The following PCGF3 variants were observed in gnomAD, a reference collection of about 807,000 sequenced individuals.
PCGF3 encodes polycomb group ring finger 3, also known as polycomb group RING finger protein 3.
A neutral mutation model predicts 33.1 loss-of-function variants in PCGF3; 7 were observed. That is an observed-to-expected ratio of 0.21 (90% CI 0.12 to 0.40). The LOEUF (loss-of-function observed/expected upper bound fraction) is 0.40. Ranked by LOEUF, PCGF3 falls within the 10% of genes least tolerant of loss-of-function variation. The pLI is 1.00. For synonymous variants in PCGF3, 153 were observed against 121.3 expected (o/e 1.26, Z -1.72); for missense variants, 211 against 313.3 (o/e 0.67, Z 2.46).
At chr4:734,995 G>A in exon 5 of PCGF3, 16 of 1,613,344 alleles carry the variant, frequency 9.9e-6, no homozygotes, top group Non-Finnish European at 1.4e-5. Context: ...GCAGGATTGT[G>A]ATCCACCAGA....
exon 11 of PCGF3, chr4:768,242 AG>A (rs1329917851): frequency 6.6e-6 from 1 of 152,630 alleles, no homozygotes; most frequent in Non-Finnish European, 1.5e-5. Context: ...CTATTTTTCT[AG>A]GAGTTCATCG....
At chr4:714,014 C>T (rs977655533) in intron 1 of PCGF3, among the ~76,000 whole-genome samples, 1 of 152,098 alleles carries the variant, frequency 6.6e-6, no homozygotes, top group Admixed American at 6.5e-5. Flanking sequence ...ACGTCTGTGT[C>T]CCCCAGAATC....
intron 5 of PCGF3, 105 bp downstream of exon 5, chr4:735,132 T>TG: frequency 7.7e-7 from 1 of 1,297,736 alleles, no homozygotes; most frequent in South Asian, 1.4e-5. Flanking sequence ...CATCCTGCCT[T>TG]GGCAGCAGCC....
chr4:748,786 G>T (rs1744384358), intron 8 of PCGF3, among the ~76,000 whole-genome samples: 1 of 152,138 alleles, frequency 6.6e-6, no homozygotes, highest in East Asian at 1.9e-4. Flanking sequence ...TCTGTCTCTG[G>T]TGTTGGTCTC....
chr4:733,655 C>T lies in PCGF3; in HGVS notation c.-9-17C>T, dbSNP rs376382186. The T allele has an allele frequency of 4.5e-5, 71 of 1,589,700 alleles. No homozygotes were observed. Among genetic ancestry groups the T allele is most frequent in the Middle Eastern group, 3.3e-4 (2 of 6,006 alleles). The stretch of plus-strand genomic sequence containing the variant: ...GGAAGAGTTTCAGGTGTTAATTAAT[C>T]GCGTTTTCTCTTGTAGAAGCCAAAG... On this transcript the variant is annotated splice_polypyrimidine_tract_variant and intron_variant, in intron 3 of 10. Transcript: ENST00000362003.
At chr4:760,829 G>C (rs1049307196) in intron 8 of PCGF3, among the ~76,000 whole-genome samples, 1 of 152,256 alleles carries the variant, frequency 6.6e-6, no homozygotes, top group Non-Finnish European at 1.5e-5. Context: ...TCACCTGGAA[G>C]GCAGCTGTGA....
At chr4:734,012 C>G (rs566212866) in intron 4 of PCGF3, 12 of 1,550,906 alleles carry the variant, frequency 7.7e-6, no homozygotes, top group Non-Finnish European at 9.6e-6. Context: ...CTTAGGAGAG[C>G]GAAACACAGG....
intron 9 of PCGF3, among the ~76,000 whole-genome samples, chr4:763,966 A>C (rs1442375505): frequency 6.6e-6 from 1 of 152,192 alleles, no homozygotes; most frequent in Non-Finnish European, 1.5e-5. Flanking sequence ...AAAAGGCTGT[A>C]GGCCGTGCGA....
chr4:743,629 C>A, intron 7 of PCGF3, 45 bp downstream of exon 7: 1 of 1,124,244 alleles, frequency 8.9e-7, no homozygotes, highest in Non-Finnish European at 1.4e-6. Flanking sequence ...GAATCCCCTG[C>A]ATGAGGCCTT....
In PCGF3 at chr4:709,428, AAATG is replaced by A. The variant is rs1174725702; in HGVS notation, c.-190+3465_-190+3468del. On this transcript the variant is annotated intron_variant, in intron 1 of 10. Coordinates refer to ENST00000362003, the Ensembl canonical transcript of PCGF3. ...AGGCAAGAGTGAATGATGCATGAAC[AAATG>A]AATGAAAGGCAAGAGTGAATGATCC... Among the ~76,000 whole-genome samples the A allele has an allele frequency of 2.6e-5, 4 of 152,158 alleles. No individual in the cohort carries two copies. In the East Asian group the frequency reaches 5.8e-4, roughly 22 times the overall value.
chr4:749,944 C>T (rs1249883931), intron 8 of PCGF3, among the ~76,000 whole-genome samples: 1 of 152,240 alleles, frequency 6.6e-6, no homozygotes, highest in Admixed American at 6.5e-5. Flanking sequence ...GTAGCAGACA[C>T]TGTTGGCAGA....
In PCGF3 at chr4:744,582, TTC is replaced by T; in HGVS notation, c.374-16_374-15del. 2 of 1,538,876 alleles carry T rather than the reference TTC, an allele frequency of 1.3e-6. No homozygotes were observed. The highest frequency in any genetic ancestry group is 8.8e-7 in the Non-Finnish European group (1 of 1,135,032). On this transcript the variant is annotated splice_polypyrimidine_tract_variant and intron_variant, in intron 7 of 10. Coordinates refer to ENST00000362003, the Ensembl canonical transcript of PCGF3. ...AGTTTGGATTTCATGGTGCGCTATG[TTC>T]TGTTTGTGCTAAAAGGTGAAACCAA...
At chr4:736,192 C>T (rs554892225) in intron 5 of PCGF3, among the ~76,000 whole-genome samples, 65 of 152,080 alleles carry the variant, frequency 4.3e-4, no homozygotes, top group African/African-American at 1.6e-3. Flanking sequence ...GAATTACAGG[C>T]GCATGTCACC....
chr4:742,928 C>T (rs1443050810), intron 6 of PCGF3, among the ~76,000 whole-genome samples: 2 of 152,192 alleles, frequency 1.3e-5, no homozygotes, highest in Non-Finnish European at 2.9e-5. Flanking sequence ...CTCGGGCCCT[C>T]GAGGGCTCTC....
chr4:751,418 C>T (rs1220997658), intron 8 of PCGF3, among the ~76,000 whole-genome samples: 1 of 152,110 alleles, frequency 6.6e-6, no homozygotes, highest in Non-Finnish European at 1.5e-5. Context: ...CTGGTGTCTT[C>T]CTGGTGTGTT....
intron 8 of PCGF3, among the ~76,000 whole-genome samples, chr4:750,750 C>A (rs17721766): frequency 2.0e-5 from 3 of 152,058 alleles, no homozygotes; most frequent in Non-Finnish European, 2.9e-5. Context: ...TGTAACCTCG[C>A]GGTGTTGCTT....
In PCGF3 at chr4:761,559, C is replaced by G. The variant is rs926236402; in HGVS notation, c.600+143C>G. The G allele has an allele frequency of 7.8e-5, 108 of 1,378,108 alleles. 1 individual carries two copies. The East Asian group carries it at 2.7e-3, about 34-fold the overall frequency. The allele number at this position is 1,378,108 out of a possible 1,614,324, so 85.4% of individuals were successfully genotyped here. A position where few individuals can be genotyped will look rare whatever the true frequency, so the allele number is the denominator to read the frequency against. On this transcript the variant is annotated intron_variant, in intron 9 of 10. Transcript: ENST00000362003. ...AAAAAAATCCGTTTTGCCTGCTTCA[C>G]CGGGGAGCGGGATAGGAGACAGCCC...
At chr4:711,967 G>C (rs1376991493) in intron 1 of PCGF3, among the ~76,000 whole-genome samples, 3 of 2,646 alleles carry the variant, frequency 1.1e-3, no homozygotes, top group African/African-American at 1.6e-3. Context: ...AAAATAAAAA[G>C]TAAAAAAAAA....
chr4:735,773 AG>A (rs1158893843), intron 5 of PCGF3, among the ~76,000 whole-genome samples: 2 of 152,202 alleles, frequency 1.3e-5, no homozygotes, highest in Non-Finnish European at 2.9e-5. Context: ...TCTTCTGCCC[AG>A]GGTCACAGCG....
Sources: gnomAD v4.1 joint callset for allele counts (sites outside exome capture counted in the v4.1 genomes callset) on GRCh38, gnomAD v4.1.1 for gene constraint, MANE v1.5 for transcripts, NCBI Gene and HGNC (gene_info 2026-07-23, HGNC 2026-07-21) for gene names.